The following TENM2 variants were observed in gnomAD, a reference collection of about 807,000 sequenced individuals.
TENM2 encodes teneurin-2.
In TENM2, 52 loss-of-function variants were observed where a neutral mutation model predicts 245.2. The observed-to-expected ratio is 0.21, with a 90% confidence interval of 0.17 to 0.27. The LOEUF (loss-of-function observed/expected upper bound fraction) is 0.27. Ranked by LOEUF, TENM2 falls within the 10% of genes least tolerant of loss-of-function variation. The pLI is 1.00. For synonymous variants in TENM2, 1,363 were observed against 1,438.9 expected (o/e 0.95, Z 1.19); for missense variants, 3,046 against 3,666.8 (o/e 0.83, Z 4.37).
At chr5:167,005,858 C>T in the TENM2 span, among the ~76,000 whole-genome samples, 2 of 151,744 alleles carry the variant, frequency 1.3e-5, no homozygotes, top group African/African-American at 4.8e-5. Context: ...GACAGAGCTT[C>T]ACCATGTTGG....
chr5:168,132,109 A>G (rs1754637597), intron 12 of TENM2, among the ~76,000 whole-genome samples: 1 of 151,072 alleles, frequency 6.6e-6, no homozygotes, highest in Non-Finnish European at 1.5e-5. Context: ...GTTCTTTTTG[A>G]GTCTGGGTCA....
intron 13 of TENM2, 88 bp from the exon 16 acceptor site, chr5:168,190,249 G>A: frequency 8.0e-6 from 8 of 1,003,862 alleles, no homozygotes; most frequent in Non-Finnish European, 1.5e-6. Flanking sequence ...TGCTGCTCAT[G>A]CCTGTGCTGG....
At chr5:167,935,504 C>T (rs142799834) in intron 3 of TENM2, among the ~76,000 whole-genome samples, 8 of 152,254 alleles carry the variant, frequency 5.3e-5, no homozygotes, top group African/African-American at 9.6e-5. Context: ...ATTGCAACTC[C>T]CCTTCAGTCA....
At chr5:167,053,779 C>T in the TENM2 span, among the ~76,000 whole-genome samples, 1 of 152,122 alleles carries the variant, frequency 6.6e-6, no homozygotes, top group Non-Finnish European at 1.5e-5. Flanking sequence ...GGGTATTTAA[C>T]TTGCACTGTT....
At chr5:167,389,757 G>A (rs1024473263) in intron 2 of TENM2, among the ~76,000 whole-genome samples, 2 of 152,138 alleles carry the variant, frequency 1.3e-5, no homozygotes, top group Non-Finnish European at 2.9e-5. Context: ...CACCAGCACT[G>A]TGGGAAAATC....
intron 2 of TENM2, among the ~76,000 whole-genome samples, chr5:167,679,633 C>T (rs1317819010): frequency 1.3e-5 from 2 of 152,046 alleles, no homozygotes; most frequent in African/African-American, 2.4e-5. Flanking sequence ...AATAGGAAAA[C>T]CTTTGAAACT....
At chr5:167,777,029 A>G (rs1429711964) in intron 2 of TENM2, among the ~76,000 whole-genome samples, 1 of 152,262 alleles carries the variant, frequency 6.6e-6, no homozygotes, top group African/African-American at 2.4e-5. Flanking sequence ...GTGAAATTAG[A>G]TTAAAACAAA....
At chr5:167,728,613 A>AAATAAATG (rs1554106677) in intron 2 of TENM2, 10 of 149,936 alleles carry the variant, frequency 6.7e-5, no homozygotes, top group African/African-American at 2.2e-4. Flanking sequence ...ATAAATAAAT[A>AAATAAATG]AATGAATGAA....
chr5:167,025,794 A>G, the TENM2 span, among the ~76,000 whole-genome samples: 1 of 152,228 alleles, frequency 6.6e-6, no homozygotes, highest in South Asian at 2.1e-4. Flanking sequence ...CATTAGAATG[A>G]AATACGAAGA....
At chr5:167,742,505 A>G (rs1482691253) in intron 2 of TENM2, among the ~76,000 whole-genome samples, 1 of 152,106 alleles carries the variant, frequency 6.6e-6, no homozygotes, top group Non-Finnish European at 1.5e-5. Flanking sequence ...TGTGGTTAGT[A>G]TGTTAGCAGC....
chr5:168,097,614 G>C lies in TENM2; in HGVS notation c.1712-412G>C, dbSNP rs551541703. ...TAATTGTGTGTGTGCGTGTGTGTGT[G>C]TGTGTGTGTGTATTTTTAGTAGTGA... On this transcript the variant is annotated intron_variant, in intron 8 of 28. Transcript: ENST00000518659. Among the ~76,000 whole-genome samples, 9 of 152,014 alleles carry C rather than the reference G, an allele frequency of 5.9e-5. No homozygotes were observed. The South Asian group carries it at 1.7e-3, about 28-fold the overall frequency.
At chr5:167,832,923 C>CT (rs1055587752) in intron 2 of TENM2, among the ~76,000 whole-genome samples, 27 of 151,772 alleles carry the variant, frequency 1.8e-4, no homozygotes, top group African/African-American at 4.6e-4. Flanking sequence ...CAGATCAGGG[C>CT]TTTTTTTTCC....
At chr5:167,642,734 C>A (rs1779694644) in intron 2 of TENM2, among the ~76,000 whole-genome samples, 1 of 152,146 alleles carries the variant, frequency 6.6e-6, no homozygotes, top group African/African-American at 2.4e-5. Flanking sequence ...GGAGGAAATG[C>A]AATGCTTGGC....
At chr5:167,393,115 C>A (rs1042623238) in intron 2 of TENM2, among the ~76,000 whole-genome samples, 1 of 149,996 alleles carries the variant, frequency 6.7e-6, no homozygotes, top group African/African-American at 2.5e-5. Context: ...GAGCAAGACT[C>A]CATCTCGGGG....
At chr5:167,664,763 G>A (rs910685876) in intron 2 of TENM2, among the ~76,000 whole-genome samples, 2 of 152,172 alleles carry the variant, frequency 1.3e-5, no homozygotes, top group African/African-American at 4.8e-5. Context: ...GTCTTTTATA[G>A]TAGTACCAAG....
At chr5:167,937,242 A>G (rs551182212) in intron 3 of TENM2, among the ~76,000 whole-genome samples, 1 of 152,378 alleles carries the variant, frequency 6.6e-6, no homozygotes, top group African/African-American at 2.4e-5. Context: ...ACTTTGTAGT[A>G]TATGAATTAC....
intron 3 of TENM2, among the ~76,000 whole-genome samples, chr5:167,951,087 A>T (rs774902525): frequency 3.3e-5 from 5 of 152,180 alleles, no homozygotes; most frequent in Non-Finnish European, 5.9e-5. Flanking sequence ...ATGCTCTCCA[A>T]ACCTAGTATC....
chr5:167,186,994 A>G, the TENM2 span, among the ~76,000 whole-genome samples: 5 of 152,148 alleles, frequency 3.3e-5, no homozygotes, highest in Non-Finnish European at 5.9e-5. Context: ...GATGTGAATA[A>G]CTAACTTCTC....
chr5:168,259,609 G>T (rs1768004313), intron 27 of TENM2, among the ~76,000 whole-genome samples: 1 of 152,098 alleles, frequency 6.6e-6, no homozygotes, highest in Non-Finnish European at 1.5e-5. Flanking sequence ...GAGTAGGAAG[G>T]CTGGAGAAAG....
Sources: gnomAD v4.1 joint callset for allele counts (sites outside exome capture counted in the v4.1 genomes callset) on GRCh38, gnomAD v4.1.1 for gene constraint, MANE v1.5 for transcripts, NCBI Gene and HGNC (gene_info 2026-07-23, HGNC 2026-07-21) for gene names.